The following LRP1B variants were observed in gnomAD, a reference collection of about 807,000 sequenced individuals.
LRP1B encodes low-density lipoprotein receptor-related protein 1B.
In LRP1B, 217 loss-of-function variants were observed where a neutral mutation model predicts 556.6. That is an observed-to-expected ratio of 0.39 (90% CI 0.35 to 0.44). LRP1B has a LOEUF of 0.44. LRP1B is among the 20% of genes least tolerant of loss of function. LRP1B has a pLI of 1.00. For missense variants in LRP1B, 5,053 were observed against 5,620.8 expected (o/e 0.90, Z 3.23); for synonymous variants, 2,047 against 1,865.8 (o/e 1.10, Z -2.50).
At chr2:140,881,927 A>G (rs1241759626) in intron 25 of LRP1B, among the ~76,000 whole-genome samples, 1 of 152,186 alleles carries the variant, frequency 6.6e-6, no homozygotes. Flanking sequence ...TGAGATAAAT[A>G]AGTTGATCCT....
rs969410261 is a variant in LRP1B at position 140,905,126 on chromosome 2, C to T, written c.3521-1961G>A. Among the ~76,000 whole-genome samples the T allele has an allele frequency of 2.0e-5, 3 of 152,058 alleles. No homozygotes were observed. The East Asian group carries it at 5.8e-4, about 29-fold the overall frequency. ...TCCTTGACCAAACACTAGTCAGGAT[C>T]CTCTAAGTCCTCTTCTGACTAGACT... is the stretch of plus-strand genomic sequence containing the variant. On this transcript the variant is annotated intron_variant, in intron 22 of 90. Transcript: ENST00000389484.
At chr2:141,732,520 C>A (rs945777615) in intron 2 of LRP1B, among the ~76,000 whole-genome samples, 2 of 152,042 alleles carry the variant, frequency 1.3e-5, no homozygotes, top group African/African-American at 4.8e-5. Flanking sequence ...TATTTTTGGA[C>A]AAATGCTGTT....
chr2:140,550,348 G>A, intron 43 of LRP1B, among the ~76,000 whole-genome samples: 1 of 152,036 alleles, frequency 6.6e-6, no homozygotes, highest in Non-Finnish European at 1.5e-5. Context: ...AAAGTGACAG[G>A]CGCTGGAGCA....
At chr2:140,961,421 CA>C (rs142520011) in intron 18 of LRP1B, among the ~76,000 whole-genome samples, 2,389 of 151,992 alleles carry the variant, frequency 0.016, 73 homozygotes, top group East Asian at 0.14. Flanking sequence ...TTTCTCCTAC[CA>C]CAATGAAATA....
intron 25 of LRP1B, 145 bp downstream of exon 25, chr2:140,883,672 A>AC: frequency 3.5e-6 from 1 of 283,532 alleles, no homozygotes; most frequent in Non-Finnish European, 7.0e-6. Flanking sequence ...ACCTACCCCC[A>AC]CCTCCCCGCC....
At chr2:141,235,165 T>C (rs1049972563) in intron 5 of LRP1B, among the ~76,000 whole-genome samples, 1 of 152,074 alleles carries the variant, frequency 6.6e-6, no homozygotes, top group Non-Finnish European at 1.5e-5. Flanking sequence ...AAAATGAATA[T>C]TGCTACAATT....
chr2:140,271,228 C>T (rs10803582), intron 85 of LRP1B, among the ~76,000 whole-genome samples: 129,789 of 151,872 alleles, frequency 0.85, 56,689 homozygotes, highest in Non-Finnish European at 0.94. Context: ...CAAATTATCC[C>T]GGGACCTACT....
intron 3 of LRP1B, among the ~76,000 whole-genome samples, chr2:141,372,928 T>C (rs1182463898): frequency 6.6e-6 from 1 of 152,106 alleles, no homozygotes; most frequent in Non-Finnish European, 1.5e-5. Context: ...TCGTTCTTGT[T>C]TTTTCCAGTT....
intron 1 of LRP1B, among the ~76,000 whole-genome samples, chr2:141,837,495 G>T (rs1697325448): frequency 1.3e-5 from 2 of 151,972 alleles, no homozygotes. Context: ...AGCTTTCATT[G>T]TAATCTTAAG....
chr2:140,457,720 A>G lies in LRP1B; in HGVS notation c.9626-69T>C, dbSNP rs975051238. On this transcript the variant is annotated intron_variant, in intron 60 of 90. Transcript: ENST00000389484. ...TGCCAGTTAAAATATTCAATACTAC[A>G]TGGGCTGACAGATACAACTGCTACA... 26 of 1,226,202 alleles carry G rather than the reference A, an allele frequency of 2.1e-5. No individual in the cohort carries two copies. In the East Asian group the frequency reaches 5.4e-4, roughly 26 times the overall value. 76.0% of individuals were successfully genotyped at this position (1,226,202 alleles called of 1,614,324 possible).
chr2:141,128,303 A>G (rs1558879864), intron 7 of LRP1B, among the ~76,000 whole-genome samples: 2 of 152,248 alleles, frequency 1.3e-5, no homozygotes, highest in Admixed American at 6.5e-5. Context: ...AAACAACAAC[A>G]ACAAAAGGTT....
chr2:141,040,179 T>C (rs1195631131), intron 11 of LRP1B, among the ~76,000 whole-genome samples: 2 of 151,972 alleles, frequency 1.3e-5, no homozygotes, highest in East Asian at 1.9e-4. Flanking sequence ...TATCTTAGAG[T>C]CTTAAAGCTT....
At chr2:140,660,263 C>A (rs1005495533) in intron 41 of LRP1B, among the ~76,000 whole-genome samples, 4 of 151,910 alleles carry the variant, frequency 2.6e-5, no homozygotes, top group African/African-American at 4.8e-5. Context: ...TAATTTTAGA[C>A]AATGTTAAGT....
At chr2:141,470,355 T>G (rs1413752914) in intron 3 of LRP1B, among the ~76,000 whole-genome samples, 1 of 152,210 alleles carries the variant, frequency 6.6e-6, no homozygotes, top group East Asian at 1.9e-4. Context: ...CATTGAATAC[T>G]TCAAGCTAGT....
At chr2:140,945,942 T>A (rs1217841189) in intron 20 of LRP1B, among the ~76,000 whole-genome samples, 3 of 152,086 alleles carry the variant, frequency 2.0e-5, no homozygotes, top group Non-Finnish European at 4.4e-5. Flanking sequence ...TGGGGGCAAG[T>A]CTTTGCAAAC....
At chr2:140,524,178 A>G (rs1486498911) in intron 49 of LRP1B, among the ~76,000 whole-genome samples, 1 of 151,962 alleles carries the variant, frequency 6.6e-6, no homozygotes, top group African/African-American at 2.4e-5. Flanking sequence ...AGAAACAGAC[A>G]CTTCTCAAAA....
intron 41 of LRP1B, among the ~76,000 whole-genome samples, chr2:140,634,444 A>G (rs1441740552): frequency 6.6e-6 from 1 of 152,180 alleles, no homozygotes; most frequent in Non-Finnish European, 1.5e-5. Flanking sequence ...AATAATTGAT[A>G]TAAACACTCT....
chr2:141,462,715 A>G (rs534104593), intron 3 of LRP1B, among the ~76,000 whole-genome samples: 2 of 151,980 alleles, frequency 1.3e-5, no homozygotes, highest in African/African-American at 2.4e-5. Context: ...TCTTTCTACA[A>G]TAAAATAAAG....
At chr2:141,946,611 T>C (rs1700961648) in intron 1 of LRP1B, among the ~76,000 whole-genome samples, 1 of 152,160 alleles carries the variant, frequency 6.6e-6, no homozygotes, top group South Asian at 2.1e-4. Flanking sequence ...GTGAAGGGGC[T>C]GCTAAACTGG....
Sources: allele counts gnomAD v4.1 joint callset (sites outside exome capture counted in the v4.1 genomes callset), GRCh38; gene constraint gnomAD v4.1.1; transcripts MANE v1.5; gene names NCBI Gene and HGNC (gene_info 2026-07-23, HGNC 2026-07-21).